The following GPC6 variants were observed in gnomAD, a reference collection of about 807,000 sequenced individuals.
The protein encoded by GPC6 is glypican 6, also known as glypican-6.
A neutral mutation model predicts 55.2 loss-of-function variants in GPC6; 14 were observed. The ratio of observed to expected loss-of-function variants is 0.25; its 90% CI spans 0.17 to 0.40. The LOEUF (loss-of-function observed/expected upper bound fraction) is 0.40. Among genes scored for constraint, GPC6 ranks in the 10% least tolerant of loss-of-function variants. The pLI, the probability that GPC6 is intolerant of heterozygous loss-of-function variation, is 1.00. For missense variants in GPC6, 641 were observed against 708.5 expected (o/e 0.90, Z 1.08); for synonymous variants, 278 against 259.6 (o/e 1.07, Z -0.68).
At chr13:94,088,367 A>G (rs540917070) in intron 4 of GPC6, among the ~76,000 whole-genome samples, 10 of 152,218 alleles carry the variant, frequency 6.6e-5, no homozygotes, top group African/African-American at 2.4e-4. Flanking sequence ...TTAAGTTTTA[A>G]GGATGTTCAT....
At position 94,011,716 on chromosome 13, in the gene GPC6, CG is replaced by C. The variant is rs561293517; in HGVS notation, c.712-16012del. On this transcript the variant is annotated intron_variant, in intron 3 of 8. Transcript: ENST00000377047. ...CTGGCATTTGCAGCAGTGGGAATTC[CG>C]TATGGTGTGCTGCCCACTAGCCTGT... Among the ~76,000 whole-genome samples, 307 of 152,230 alleles carry C rather than the reference CG, an allele frequency of 2.0e-3. 2 individuals are homozygous for C. Among genetic ancestry groups the C allele is most frequent in the Non-Finnish European group, 3.8e-3 (259 of 68,022 alleles).
chr13:93,601,356 C>T (rs1169644596), intron 2 of GPC6, among the ~76,000 whole-genome samples: 1 of 152,026 alleles, frequency 6.6e-6, no homozygotes, highest in African/African-American at 2.4e-5. Flanking sequence ...ACATTCCAGC[C>T]TGGGTGACAG....
intron 2 of GPC6, among the ~76,000 whole-genome samples, chr13:93,759,062 C>T (rs915012700): frequency 1.3e-5 from 2 of 152,076 alleles, no homozygotes; most frequent in African/African-American, 4.8e-5. Context: ...GGCCCCCTTC[C>T]ATTAAGCTGC....
chr13:93,831,743 A>T (rs1381039909), intron 3 of GPC6, among the ~76,000 whole-genome samples: 1 of 152,016 alleles, frequency 6.6e-6, no homozygotes, highest in Non-Finnish European at 1.5e-5. Context: ...CGCTGAAGGA[A>T]ATAATTACAA....
chr13:93,684,386 T>C (rs774568703), intron 2 of GPC6, among the ~76,000 whole-genome samples: 11 of 151,976 alleles, frequency 7.2e-5, no homozygotes, highest in Non-Finnish European at 1.6e-4. Flanking sequence ...TGGGATTTCA[T>C]CATGTTGGCC....
At chr13:93,384,998 G>C (rs1298401743) in intron 1 of GPC6, among the ~76,000 whole-genome samples, 1 of 152,176 alleles carries the variant, frequency 6.6e-6, no homozygotes, top group Non-Finnish European at 1.5e-5. Context: ...CTACTGGAGA[G>C]ACCAGTAGAA....
chr13:93,489,882 T>A (rs1050523169), intron 1 of GPC6, among the ~76,000 whole-genome samples: 10 of 151,626 alleles, frequency 6.6e-5, no homozygotes, highest in Admixed American at 2.0e-4. Context: ...GATGATGGGG[T>A]TTTCTAAATA....
chr13:93,367,101 T>C (rs1441888049), intron 1 of GPC6, among the ~76,000 whole-genome samples: 1 of 152,064 alleles, frequency 6.6e-6, no homozygotes, highest in East Asian at 1.9e-4. Flanking sequence ...CCAAAAAACA[T>C]TTCTTTGCTT....
chr13:94,015,795 A>G (rs1882443156), intron 3 of GPC6, among the ~76,000 whole-genome samples: 2 of 152,110 alleles, frequency 1.3e-5, no homozygotes, highest in African/African-American at 4.8e-5. Flanking sequence ...GCTTGTTGAA[A>G]ATCAATTGGC....
intron 1 of GPC6, among the ~76,000 whole-genome samples, chr13:93,358,987 TTG>T (rs1345201254): frequency 0.017 from 2,546 of 146,758 alleles, 24 homozygotes; most frequent in Middle Eastern, 0.025. Flanking sequence ...TTTTTTTTTT[TTG>T]TTTTTTTTTT....
chr13:93,412,695 T>G (rs1876553182), intron 1 of GPC6, among the ~76,000 whole-genome samples: 1 of 152,096 alleles, frequency 6.6e-6, no homozygotes, highest in Admixed American at 6.6e-5. Flanking sequence ...CATTAATTGT[T>G]TTATTTCTGG....
intron 2 of GPC6, among the ~76,000 whole-genome samples, chr13:93,687,154 TAATA>T (rs1174591651): frequency 1.3e-5 from 2 of 152,244 alleles, no homozygotes; most frequent in African/African-American, 4.8e-5. Context: ...CAGTTTAATT[TAATA>T]AATAAATGCT....
Position 94,286,370 on chromosome 13 carries a change from A to G in GPC6, c.899A>G (p.Glu300Gly), listed in dbSNP as rs902742724. ...LFIDAMLLVAERLEGPFNIES... is the reference protein window; with the variant it reads ...LFIDAMLLVAGRLEGPFNIES... The stretch of plus-strand genomic sequence containing the variant: ...ACAGATGCAATGCTCTTGGTGGCAG[A>G]GCGACTGGAGGGGCCATTCAACATT... The change falls in exon 5 of 9, where the codon GAG (glutamate) becomes GGG (glycine). Residue 300 changes from glutamate (E) to glycine (G), a missense_variant. By Grantham distance (98) the Glu-to-Gly change is moderately conservative. Coordinates refer to ENST00000377047, the MANE Select transcript of GPC6 (RefSeq NM_005708.5). The G allele has an allele frequency of 6.8e-6, 11 of 1,613,722 alleles. No homozygotes were observed. The highest frequency in any genetic ancestry group is 7.6e-6 in the Non-Finnish European group (9 of 1,179,826).
intron 4 of GPC6, among the ~76,000 whole-genome samples, chr13:94,279,632 C>A (rs9589943): frequency 0.068 from 10,336 of 151,898 alleles, 679 homozygotes; most frequent in African/African-American, 0.17. Flanking sequence ...CAGAGATTCT[C>A]GTATGCTGTC....
At chr13:94,135,064 A>G (rs1349071501) in intron 4 of GPC6, among the ~76,000 whole-genome samples, 1 of 152,190 alleles carries the variant, frequency 6.6e-6, no homozygotes, top group Non-Finnish European at 1.5e-5. Context: ...TTCTTCAGAA[A>G]TAAGGACTAC....
intron 2 of GPC6, among the ~76,000 whole-genome samples, chr13:93,566,690 T>C (rs1254153853): frequency 6.6e-6 from 1 of 151,248 alleles, no homozygotes; most frequent in African/African-American, 2.5e-5. Context: ...ACATTAGGTA[T>C]TTCTCCTAAA....
chr13:93,316,744 T>C (rs946676283), intron 1 of GPC6, among the ~76,000 whole-genome samples: 6 of 152,134 alleles, frequency 3.9e-5, no homozygotes, highest in Non-Finnish European at 7.4e-5. Context: ...TATTTTACTT[T>C]GATAAATCAG....
chr13:93,611,012 T>G (rs1275031503), intron 2 of GPC6, among the ~76,000 whole-genome samples: 2 of 152,182 alleles, frequency 1.3e-5, no homozygotes, highest in East Asian at 3.8e-4. Flanking sequence ...AGTCCATATT[T>G]TATCAAACAT....
rs533660110 is a variant in GPC6, at chr13:93,588,108, G to A, written c.319+42687G>A. 5.3e-4 allele frequency among the ~76,000 whole-genome samples: 81 copies of A among 152,304 alleles called. 1 individual carries two copies. The South Asian group carries it at 0.016, about 30-fold the overall frequency. On this transcript the variant is annotated intron_variant, in intron 2 of 8. Coordinates refer to ENST00000377047, the MANE Select transcript of GPC6 (RefSeq NM_005708.5). ...TGAAGAAGATGAGTCTCCAACTACA[G>A]CCTAGAGATTGTTTCACATTATGGT... is the stretch of plus-strand genomic sequence containing the variant.
Sources: allele counts gnomAD v4.1 joint callset (sites outside exome capture counted in the v4.1 genomes callset), GRCh38; gene constraint gnomAD v4.1.1; transcripts MANE v1.5; gene names NCBI Gene and HGNC (gene_info 2026-07-23, HGNC 2026-07-21).